The following KIAA0586 variants were observed in gnomAD, a reference collection of about 807,000 sequenced individuals.
The protein encoded by KIAA0586 is protein TALPID3.
KIAA0586 carries 144 observed loss-of-function variants against 169.8 expected under a neutral mutation model. That is an observed-to-expected ratio of 0.85 (90% CI 0.74 to 0.97). KIAA0586 has a LOEUF of 0.97. Ranked by LOEUF, KIAA0586 falls within the 50% of genes least tolerant of loss-of-function variation. The pLI is 0.00. For synonymous variants in KIAA0586, 625 were observed against 612.4 expected (o/e 1.02, Z -0.30); for missense variants, 1,854 against 1,823.0 (o/e 1.02, Z -0.31).
intron 16 of KIAA0586, 112 bp from the exon 17 acceptor site, chr14:58,470,501 G>GT: frequency 2.2e-6 from 1 of 446,682 alleles, no homozygotes. Context: ...GGCATGCTTT[G>GT]TTTTTATGTA....
chr14:58,513,151 C>T (rs2044511012), intron 29 of KIAA0586, among the ~76,000 whole-genome samples: 3 of 151,872 alleles, frequency 2.0e-5, no homozygotes, highest in Admixed American at 2.0e-4. Flanking sequence ...TTGATGTTGT[C>T]TCTATGTTTC....
In KIAA0586 at chr14:58,453,411, A is replaced by G. The variant is rs1461927168; in HGVS notation, c.1191A>G (p.Glu397=). ...ATGATTCTTTGACAAGAAAAAGTGA[A>G]TCATCAAACACCACCTCACTAACTA... The part of the protein sequence containing the change: ...NNNDSLTRKS[E]SSNTTSLTRS... Residue 397 remains glutamate, a synonymous_variant, in exon 9 of 31, where the codon GAA becomes GAG. Transcript: ENST00000652326. 6.7e-7 allele frequency: 1 copy of G among 1,495,860 alleles called. No homozygotes were observed. Among genetic ancestry groups the G allele is most frequent in the Non-Finnish European group, 9.0e-7 (1 of 1,106,864 alleles). 92.7% of individuals were successfully genotyped at this position (1,495,860 alleles called of 1,614,324 possible). A position where few individuals can be genotyped will look rare whatever the true frequency, so the allele number is the denominator to read the frequency against.
intron 28 of KIAA0586, among the ~76,000 whole-genome samples, chr14:58,510,166 C>T (rs1042409133): frequency 6.6e-6 from 1 of 152,092 alleles, no homozygotes; most frequent in African/African-American, 2.4e-5. Flanking sequence ...GTCAAGAGAT[C>T]GAGACCATCT....
At chr14:58,496,649 A>G (rs1422662689) in intron 26 of KIAA0586, among the ~76,000 whole-genome samples, 3 of 152,212 alleles carry the variant, frequency 2.0e-5, no homozygotes, top group Admixed American at 2.0e-4. Context: ...AATTGAAGAG[A>G]ATCTTGAATG....
intron 7 of KIAA0586, among the ~76,000 whole-genome samples, chr14:58,449,994 A>G (rs995589802): frequency 5.9e-5 from 9 of 152,296 alleles, no homozygotes; most frequent in African/African-American, 2.2e-4. Context: ...CTTTTTTACT[A>G]GCACATAAAA....
intron 27 of KIAA0586, among the ~76,000 whole-genome samples, chr14:58,507,847 C>A (rs780713717): frequency 6.6e-6 from 1 of 151,994 alleles, no homozygotes; most frequent in African/African-American, 2.4e-5. Context: ...TGCAGTGATG[C>A]GATCTCAGCT....
At chr14:58,538,853 C>T (rs375689339) in intron 29 of KIAA0586, among the ~76,000 whole-genome samples, 5 of 152,074 alleles carry the variant, frequency 3.3e-5, no homozygotes, top group South Asian at 2.1e-4. Context: ...CATCTTGGCT[C>T]ACTGCAACCT....
intron 14 of KIAA0586, 94 bp downstream of exon 14, chr14:58,461,254 C>T (rs531834163): frequency 4.8e-5 from 41 of 855,142 alleles, no homozygotes; most frequent in East Asian, 2.1e-4. Flanking sequence ...ATTGCTTATA[C>T]GTGCCATTCA....
intron 29 of KIAA0586, among the ~76,000 whole-genome samples, chr14:58,528,861 G>A (rs2045767767): frequency 6.6e-6 from 1 of 152,074 alleles, no homozygotes. Flanking sequence ...GATCAGAGCA[G>A]AACTGAAGGA....
intron 28 of KIAA0586, among the ~76,000 whole-genome samples, chr14:58,511,130 G>A (rs1163555108): frequency 6.6e-6 from 1 of 152,126 alleles, no homozygotes; most frequent in Non-Finnish European, 1.5e-5. Flanking sequence ...TTTATTGTCT[G>A]TTACATGTAT....
At chr14:58,523,342 T>C (rs894184152) in intron 29 of KIAA0586, among the ~76,000 whole-genome samples, 2 of 152,150 alleles carry the variant, frequency 1.3e-5, no homozygotes, top group African/African-American at 4.8e-5. Flanking sequence ...ATTAAACACA[T>C]CTCACCAAAA....
At chr14:58,456,929 T>G (rs758119731) in intron 10 of KIAA0586, 119 bp downstream of exon 10, 1 of 641,252 alleles carries the variant, frequency 1.6e-6, no homozygotes, top group South Asian at 2.0e-5. Context: ...GAAAAAGATA[T>G]GTCAGCCACA....
intron 27 of KIAA0586, among the ~76,000 whole-genome samples, chr14:58,504,268 G>T (rs537878094): frequency 6.6e-6 from 1 of 152,244 alleles, no homozygotes; most frequent in South Asian, 2.1e-4. Context: ...GGAGATTTGA[G>T]AGAGAATTAA....
chr14:58,447,631 C>T (rs904690309), intron 6 of KIAA0586, among the ~76,000 whole-genome samples: 18 of 152,130 alleles, frequency 1.2e-4, no homozygotes, highest in Admixed American at 9.8e-4. Context: ...CAGGCTCCCA[C>T]CACCACACCC....
intron 29 of KIAA0586, chr14:58,537,118 A>C: frequency 8.3e-7 from 1 of 1,201,648 alleles, no homozygotes; most frequent in Non-Finnish European, 1.1e-6. Flanking sequence ...TCAACTGCAG[A>C]GCACAATACT....
intron 27 of KIAA0586, among the ~76,000 whole-genome samples, chr14:58,508,161 A>C (rs1031798771): frequency 6.6e-6 from 1 of 152,224 alleles, no homozygotes; most frequent in Non-Finnish European, 1.5e-5. Context: ...AGGCAATACC[A>C]ACATTTTCCA....
rs763169760 is a variant in KIAA0586 at position 58,488,892 on chromosome 14, A to G, written c.3781+18A>G. On this transcript the variant is annotated intron_variant, in intron 24 of 30. Coordinates refer to ENST00000652326, the MANE Select transcript of KIAA0586 (RefSeq NM_001329943.3). ...CCCCAAGAGTAAGTTAATTTGTATT[A>G]GTTGATTTTACTTGTTAGATTATGC... The G allele has an allele frequency of 2.5e-6, 4 of 1,608,872 alleles. No individual in the cohort carries two copies. The highest frequency in any genetic ancestry group is 1.3e-5 in the African/African-American group (1 of 74,822).
chr14:58,451,979 G>A (rs1566811611), intron 8 of KIAA0586, among the ~76,000 whole-genome samples: 1 of 152,126 alleles, frequency 6.6e-6, no homozygotes, highest in Non-Finnish European at 1.5e-5. Flanking sequence ...TACTGCGCCC[G>A]GCCATATATG....
chr14:58,476,164 CTG>C (rs1180680251), intron 19 of KIAA0586, among the ~76,000 whole-genome samples: 1 of 152,126 alleles, frequency 6.6e-6, no homozygotes, highest in Non-Finnish European at 1.5e-5. Flanking sequence ...ACCAAATTAA[CTG>C]TGTTTATTGC....
Sources: gnomAD v4.1 joint callset for allele counts (sites outside exome capture counted in the v4.1 genomes callset) on GRCh38, gnomAD v4.1.1 for gene constraint, MANE v1.5 for transcripts, NCBI Gene and HGNC (gene_info 2026-07-23, HGNC 2026-07-21) for gene names.